Variants in AIMP1 observed in about 807,000 individuals in gnomAD.
The protein encoded by AIMP1 is aminoacyl tRNA synthase complex-interacting multifunctional protein 1.
Under a neutral mutation model 33.1 loss-of-function variants are expected in AIMP1, and 24 were observed. That is an observed-to-expected ratio of 0.73 (90% confidence interval 0.53 to 1.02). The LOEUF (loss-of-function observed/expected upper bound fraction) is 1.02, where lower values mean the gene tolerates loss of function less well. AIMP1 is among the 50% of genes least tolerant of loss of function. The pLI is 0.00. For missense variants in AIMP1, 367 were observed against 364.8 expected, an observed-to-expected ratio of 1.01 and a Z score of -0.05; for synonymous variants, 120 against 121.5, an observed-to-expected ratio of 0.99 and a Z score of 0.08.
Position 106,336,982 on chromosome 4 carries a change from G to A in AIMP1, c.717G>A (p.Leu239=). The stretch of plus-strand genomic sequence containing the variant: ...GTTCACCAGAGAAAATTGAAATCTT[G>A]GCTCCTCCAAATGGGTCTGTTCCTG... ...CASSPEKIEI[L]APPNGSVPGD... The change falls in exon 6 of 7, where the codon TTG becomes TTA. Residue 239 remains leucine (L), a synonymous_variant. Coordinates refer to ENST00000672341, the MANE Select transcript of AIMP1 (RefSeq NM_001142416.2). 6.2e-7 allele frequency: 1 copy of A among 1,614,002 alleles called. No individual in the cohort carries two copies. Among genetic ancestry groups the A allele is most frequent in the Non-Finnish European group, 8.5e-7 (1 of 1,179,964 alleles).
chr4:106,338,507 C>T (rs1486712450), intron 6 of AIMP1, among the ~76,000 whole-genome samples: 2 of 152,228 alleles, frequency 1.3e-5, no homozygotes, highest in Admixed American at 1.3e-4. Flanking sequence ...TAAGCCTTGA[C>T]AGCTTCCACA....
intron 1 of AIMP1, 79 bp downstream of exon 1, chr4:106,316,673 C>G: frequency 7.0e-7 from 1 of 1,436,100 alleles, no homozygotes. Context: ...TAACTTGCCT[C>G]CAGGAGAGAG....
chr4:106,344,757 T>A (rs576464335), intron 6 of AIMP1, among the ~76,000 whole-genome samples: 27 of 151,552 alleles, frequency 1.8e-4, no homozygotes, highest in African/African-American at 6.0e-4. Context: ...CCTTGTTCAC[T>A]CCACTTGAGC....
Position 106,347,589 on chromosome 4 carries a change from A to T in AIMP1, c.836A>T (p.His279Leu). The T allele has an allele frequency of 6.2e-7, 1 of 1,613,510 alleles. No homozygotes were observed. The highest frequency in any genetic ancestry group is 8.5e-7 in the Non-Finnish European group (1 of 1,179,676). ...KIWEQIQPDL[H>L]TNDECVATYK... ...TGGGAGCAGATCCAGCCTGATCTTCACACTAATGATGAGTGTGTGGCTACA... is the reference window on the plus strand; with the variant it reads ...TGGGAGCAGATCCAGCCTGATCTTCTCACTAATGATGAGTGTGTGGCTACA... Residue 279 changes from histidine (H) to leucine (L), a missense_variant, in exon 7 of 7, where the codon CAC becomes CTC. Coordinates refer to ENST00000672341, the MANE Select transcript of AIMP1 (RefSeq NM_001142416.2).
intron 6 of AIMP1, among the ~76,000 whole-genome samples, chr4:106,346,013 T>G (rs1770283074): frequency 6.6e-6 from 1 of 151,566 alleles, no homozygotes; most frequent in Non-Finnish European, 1.5e-5. Flanking sequence ...ATTTCTATCA[T>G]TACTTAATTA....
At chr4:106,332,638 T>C (rs1172331730) in intron 5 of AIMP1, among the ~76,000 whole-genome samples, 1 of 148,688 alleles carries the variant, frequency 6.7e-6, no homozygotes, top group Non-Finnish European at 1.5e-5. Flanking sequence ...TATACATATA[T>C]ATATAAGTTG....
At chr4:106,329,422 A>C (rs1453566169) in intron 4 of AIMP1, among the ~76,000 whole-genome samples, 2 of 152,178 alleles carry the variant, frequency 1.3e-5, no homozygotes, top group African/African-American at 2.4e-5. Flanking sequence ...TGGAAGAGGG[A>C]GCACACAGGA....
At chr4:106,336,723 A>G in intron 5 of AIMP1, 146 bp from the exon 6 acceptor site, 1 of 790,340 alleles carries the variant, frequency 1.3e-6, no homozygotes. Flanking sequence ...AACAACAATA[A>G]GAGACTTTGG....
intron 5 of AIMP1, among the ~76,000 whole-genome samples, chr4:106,332,376 C>G (rs559091625): frequency 1.3e-5 from 2 of 151,624 alleles, no homozygotes; most frequent in Non-Finnish European, 2.9e-5. Flanking sequence ...TAGATTGGTG[C>G]TTTCTGGGTT....
intron 6 of AIMP1, among the ~76,000 whole-genome samples, chr4:106,345,556 C>T (rs541772117): frequency 2.6e-5 from 4 of 152,078 alleles, no homozygotes; most frequent in East Asian, 3.9e-4. Context: ...TCGAATCAAA[C>T]GTCCTTAAAG....
chr4:106,329,267 G>A (rs564510197), intron 4 of AIMP1, among the ~76,000 whole-genome samples: 8 of 152,256 alleles, frequency 5.3e-5, no homozygotes, highest in African/African-American at 1.9e-4. Context: ...TATAAAGTAC[G>A]TTAAGAAGTA....
chr4:106,322,573 G>T (rs1769303562), intron 1 of AIMP1, among the ~76,000 whole-genome samples: 2 of 152,174 alleles, frequency 1.3e-5, no homozygotes, highest in South Asian at 4.1e-4. Context: ...GCACAGTTCT[G>T]TTAACACACA....
chr4:106,321,596 G>C (rs1769249798), intron 1 of AIMP1: 1 of 149,610 alleles, frequency 6.7e-6, no homozygotes, highest in Non-Finnish European at 1.4e-5. Flanking sequence ...GCCCCCGCCC[G>C]GCCGGCGCCC....
intron 4 of AIMP1, among the ~76,000 whole-genome samples, chr4:106,328,571 C>T (rs143126870): frequency 2.0e-5 from 3 of 152,192 alleles, no homozygotes; most frequent in African/African-American, 7.2e-5. Context: ...TGAGAGAAGT[C>T]ACAGATAGGA....
intron 6 of AIMP1, among the ~76,000 whole-genome samples, chr4:106,346,785 T>A (rs999754168): frequency 6.6e-6 from 1 of 152,206 alleles, no homozygotes; most frequent in Non-Finnish European, 1.5e-5. Context: ...TATTTTCATT[T>A]CTTCACAGTT....
chr4:106,332,014 T>C, intron 5 of AIMP1, 131 bp downstream of exon 5: 1 of 874,756 alleles, frequency 1.1e-6, no homozygotes. Flanking sequence ...TCGATTAGTT[T>C]GAATGTGGTT....
intron 4 of AIMP1, among the ~76,000 whole-genome samples, chr4:106,330,638 A>G (rs1769640170): frequency 6.6e-6 from 1 of 152,202 alleles, no homozygotes; most frequent in Non-Finnish European, 1.5e-5. Flanking sequence ...TATTCATTAT[A>G]CATATACATG....
chr4:106,347,881 G>T lies in AIMP1; in HGVS notation c.*189G>T. ...ACACTAGATTTTTACCTCGGTTTTT[G>T]ATCATTTATAATGGAGAGAGGAAGT... On this transcript the variant is annotated 3_prime_UTR_variant, in exon 7 of 7. Transcript: ENST00000672341. 1.8e-6 allele frequency: 1 copy of T among 542,772 alleles called. No individual in the cohort carries two copies. Among genetic ancestry groups the T allele is most frequent in the South Asian group, 2.7e-5 (1 of 37,348 alleles). 33.6% of individuals were successfully genotyped at this position (542,772 alleles called of 1,614,324 possible). A position where few individuals can be genotyped will look rare whatever the true frequency, so the allele number is the denominator to read the frequency against.
chr4:106,317,429 C>CGTTTG (rs1768993572), intron 1 of AIMP1, among the ~76,000 whole-genome samples: 1 of 152,122 alleles, frequency 6.6e-6, no homozygotes, highest in South Asian at 2.1e-4. Flanking sequence ...GCGTTTTGAG[C>CGTTTG]AGTAGAGTGA....
Sources: allele counts gnomAD v4.1 joint callset (sites outside exome capture counted in the v4.1 genomes callset), GRCh38; gene constraint gnomAD v4.1.1; transcripts MANE v1.5; gene names NCBI Gene and HGNC (gene_info 2026-07-23, HGNC 2026-07-21).